The following CTNNA2 variants were observed in gnomAD, a reference collection of about 807,000 sequenced individuals.
The protein encoded by CTNNA2 is catenin alpha-2.
A neutral mutation model predicts 101.0 loss-of-function variants in CTNNA2; 42 were observed. The observed-to-expected ratio is 0.42, with a 90% CI of 0.32 to 0.54. The LOEUF (loss-of-function observed/expected upper bound fraction) is 0.54. Among genes scored for constraint, CTNNA2 ranks in the 20% least tolerant of loss-of-function variants. CTNNA2 has a pLI of 0.14. For synonymous variants in CTNNA2, 450 were observed against 456.4 expected, an observed-to-expected ratio of 0.99 and a Z score of 0.18; for missense variants, 871 against 1,223.1, an observed-to-expected ratio of 0.71 and a Z score of 4.29.
At chr2:79,503,827 C>G (rs996462280) in intron 4 of CTNNA2, among the ~76,000 whole-genome samples, 2 of 152,012 alleles carry the variant, frequency 1.3e-5, no homozygotes, top group Non-Finnish European at 2.9e-5. Context: ...ATCCACTACC[C>G]GGCCATTTTG....
In CTNNA2 at chr2:79,474,473, G is replaced by T. The variant is rs554615482; in HGVS notation, c.-134-30581G>T. Among the ~76,000 whole-genome samples, 5 of 152,234 alleles carry T rather than the reference G, an allele frequency of 3.3e-5. No individual in the cohort carries two copies. In the South Asian group the frequency reaches 1.0e-3, roughly 32 times the overall value. On this transcript the variant is annotated intron_variant, in intron 4 of 21. Transcript: ENST00000466387. ...AAAGCATATGTGAAGAAAAAGATCTGTGCTTGCTAGGAGTTAAAAAGGAAG... is the reference window on the plus strand; with the variant it reads ...AAAGCATATGTGAAGAAAAAGATCTTTGCTTGCTAGGAGTTAAAAAGGAAG...
At chr2:79,542,056 CT>C (rs759551548) in intron 1 of CTNNA2, among the ~76,000 whole-genome samples, 3 of 151,734 alleles carry the variant, frequency 2.0e-5, no homozygotes, top group African/African-American at 4.8e-5. Context: ...TTCTCTTTAG[CT>C]TTTTAAAAAC....
intron 3 of CTNNA2, among the ~76,000 whole-genome samples, chr2:79,332,239 C>G (rs1165259525): frequency 6.7e-6 from 1 of 149,514 alleles, no homozygotes; most frequent in Non-Finnish European, 1.5e-5. Context: ...ATATACATAC[C>G]AGAAACTAGG....
chr2:79,950,964 ATT>A (rs1397659112), intron 7 of CTNNA2, among the ~76,000 whole-genome samples: 1 of 152,162 alleles, frequency 6.6e-6, no homozygotes, highest in Non-Finnish European at 1.5e-5. Context: ...TTAAGGACTT[ATT>A]TTAGGGAGAT....
At chr2:80,589,860 CTGTGTGTGTG>C (rs59206973) in intron 15 of CTNNA2, among the ~76,000 whole-genome samples, 1,609 of 140,580 alleles carry the variant, frequency 0.011, 16 homozygotes, top group Non-Finnish European at 0.014. Context: ...ATATGTACCT[CTGTGTGTGTG>C]TGTGTGTGTG....
intron 7 of CTNNA2, among the ~76,000 whole-genome samples, chr2:80,059,363 C>G (rs1268320828): frequency 5.3e-5 from 8 of 152,192 alleles, no homozygotes; most frequent in Admixed American, 5.2e-4. Context: ...ATACTTGTAG[C>G]CCAATAGAGT....
intron 2 of CTNNA2, among the ~76,000 whole-genome samples, chr2:79,209,715 G>A (rs1367870323): frequency 2.2e-5 from 1 of 45,836 alleles, no homozygotes; most frequent in Non-Finnish European, 3.8e-5. Context: ...AATTAAAAGA[G>A]CTTATCTATC....
rs533312605 is a variant in CTNNA2 at position 80,418,505 on chromosome 2, AC to A, written c.1138-943del. ...TCAGAGTTAAACCAAACTAAGTTAT[AC>A]ATACTTTCATTGCATACGTTATAGT... On this transcript the variant is annotated intron_variant, in intron 8 of 18. Coordinates refer to ENST00000402739, the MANE Select transcript of CTNNA2 (RefSeq NM_001282597.3). Among the ~76,000 whole-genome samples the A allele has an allele frequency of 7.2e-5, 11 of 152,316 alleles. No homozygotes were observed. In the South Asian group the frequency reaches 2.3e-3, roughly 32 times the overall value.
chr2:79,606,518 T>A (rs1346518901), intron 1 of CTNNA2, among the ~76,000 whole-genome samples: 2 of 152,182 alleles, frequency 1.3e-5, no homozygotes, highest in African/African-American at 4.8e-5. Flanking sequence ...TCCTCCCGCC[T>A]CAGCCTCCCA....
At chr2:79,207,651 G>C (rs1488513342) in intron 2 of CTNNA2, among the ~76,000 whole-genome samples, 1 of 152,168 alleles carries the variant, frequency 6.6e-6, no homozygotes, top group Non-Finnish European at 1.5e-5. Flanking sequence ...AACAAGTGGT[G>C]GTTCGGGGCT....
intron 4 of CTNNA2, among the ~76,000 whole-genome samples, chr2:79,383,980 A>G (rs913768470): frequency 6.6e-6 from 1 of 152,144 alleles, no homozygotes; most frequent in Non-Finnish European, 1.5e-5. Flanking sequence ...ATCTAGGCCC[A>G]TTCATAATCA....
chr2:79,270,294 T>C (rs557277574), intron 2 of CTNNA2, among the ~76,000 whole-genome samples: 1 of 152,236 alleles, frequency 6.6e-6, no homozygotes, highest in Non-Finnish European at 1.5e-5. Flanking sequence ...TTAGGAACCA[T>C]GCACTATACT....
chr2:79,893,359 T>C (rs1006403241), intron 6 of CTNNA2, among the ~76,000 whole-genome samples: 2 of 152,170 alleles, frequency 1.3e-5, no homozygotes, highest in African/African-American at 4.8e-5. Context: ...TATTTTTTTA[T>C]GGGATTGGGA....
At chr2:79,535,381 T>C (rs562620865) in intron 1 of CTNNA2, among the ~76,000 whole-genome samples, 1 of 152,036 alleles carries the variant, frequency 6.6e-6, no homozygotes, top group East Asian at 1.9e-4. Context: ...ATTTTTTGTA[T>C]TTTTAGTAGA....
chr2:79,651,623 A>G lies in CTNNA2; in HGVS notation c.67A>G (p.Thr23Ala). 1 of 1,613,864 alleles carries G rather than the reference A, an allele frequency of 6.2e-7. No individual in the cohort carries two copies. Among genetic ancestry groups the G allele is most frequent in the African/African-American group, 1.3e-5 (1 of 75,032 alleles). Residue 23 changes from threonine (T) to alanine (A), a missense_variant, in exon 2 of 19, where the codon ACA becomes GCA. Transcript: ENST00000402739. ...CAAAAGTTTGGAAATCCGGACGCTAACAGTGGAAAGGCTGTTGGAGCCACT... is the reference window on the plus strand; with the variant it reads ...CAAAAGTTTGGAAATCCGGACGCTAGCAGTGGAAAGGCTGTTGGAGCCACT... ...DPKSLEIRTL[T>A]VERLLEPLVT... is the part of the protein sequence containing the mutation.
At chr2:80,193,031 T>C (rs919154482) in intron 7 of CTNNA2, among the ~76,000 whole-genome samples, 2 of 152,190 alleles carry the variant, frequency 1.3e-5, no homozygotes, top group South Asian at 4.1e-4. Flanking sequence ...AACTTCATAT[T>C]GAAATTACTG....
chr2:79,250,926 C>A (rs543256053), intron 2 of CTNNA2, among the ~76,000 whole-genome samples: 1 of 151,896 alleles, frequency 6.6e-6, no homozygotes, highest in Admixed American at 6.6e-5. Context: ...TCTGGGTTTA[C>A]GAAAATAAAA....
At chr2:79,241,342 A>G (rs1020492686) in intron 2 of CTNNA2, among the ~76,000 whole-genome samples, 2 of 152,208 alleles carry the variant, frequency 1.3e-5, no homozygotes, top group Admixed American at 6.5e-5. Context: ...ACATAACACT[A>G]AAGAGATTAT....
intron 2 of CTNNA2, among the ~76,000 whole-genome samples, chr2:79,289,284 G>GGTTGT (rs1309368214): frequency 1.3e-5 from 2 of 152,054 alleles, no homozygotes; most frequent in Non-Finnish European, 2.9e-5. Context: ...TTTCTTTGGG[G>GGTTGT]GTTGTTTTGT....
Sources: gnomAD v4.1 joint callset for allele counts (sites outside exome capture counted in the v4.1 genomes callset) on GRCh38, gnomAD v4.1.1 for gene constraint, MANE v1.5 for transcripts, NCBI Gene and HGNC (gene_info 2026-07-23, HGNC 2026-07-21) for gene names.